Variants in TASP1 observed in about 807,000 individuals in gnomAD.
TASP1 encodes threonine aspartase 1.
A neutral mutation model predicts 56.6 loss-of-function variants in TASP1; 16 were observed. The observed-to-expected ratio is 0.28, with a 90% CI of 0.19 to 0.43. The LOEUF (loss-of-function observed/expected upper bound fraction) is 0.43. Among genes scored for constraint, TASP1 ranks in the 20% least tolerant of loss-of-function variants. The probability of loss-of-function intolerance (pLI) is 1.00; values close to 1 mark genes in which losing one functional copy is unlikely to be tolerated. For missense variants in TASP1, 393 were observed against 511.6 expected, an observed-to-expected ratio of 0.77 and a Z score of 2.24; for synonymous variants, 179 against 184.2, an observed-to-expected ratio of 0.97 and a Z score of 0.23.
At chr20:13,580,742 A>C (rs562552737) in intron 6 of TASP1, among the ~76,000 whole-genome samples, 155 bp downstream of exon 6, 1 of 152,272 alleles carries the variant, frequency 6.6e-6, no homozygotes, top group South Asian at 2.1e-4. Context: ...TTTCTATCCA[A>C]AACTTTATTA....
At chr20:13,358,935 C>T in the TASP1 span, among the ~76,000 whole-genome samples, 167 of 150,716 alleles carry the variant, frequency 1.1e-3, 3 homozygotes, top group East Asian at 8.1e-4. Context: ...GGGCAAGTAC[C>T]CCTCAACCCC....
chr20:13,476,769 A>T (rs530318629), intron 11 of TASP1, among the ~76,000 whole-genome samples: 44 of 152,268 alleles, frequency 2.9e-4, no homozygotes, highest in African/African-American at 1.0e-3. Flanking sequence ...AGATACGCTT[A>T]ATTTATATTT....
the TASP1 span, among the ~76,000 whole-genome samples, chr20:13,339,087 A>G: frequency 6.6e-6 from 1 of 152,236 alleles, no homozygotes; most frequent in South Asian, 2.1e-4. Flanking sequence ...TTGATCACAC[A>G]CAATTGGTAA....
the TASP1 span, among the ~76,000 whole-genome samples, chr20:13,307,670 G>A: frequency 1.3e-5 from 2 of 152,088 alleles, no homozygotes; most frequent in Non-Finnish European, 2.9e-5. Context: ...TTGACCTTCG[G>A]GTAAATGGAA....
At chr20:13,486,529 C>G (rs930245644) in intron 10 of TASP1, among the ~76,000 whole-genome samples, 1 of 152,084 alleles carries the variant, frequency 6.6e-6, no homozygotes, top group Non-Finnish European at 1.5e-5. Flanking sequence ...AGAAAACAAG[C>G]AAGCATGTTT....
the TASP1 span, among the ~76,000 whole-genome samples, chr20:13,198,814 CT>C: frequency 7.5e-6 from 1 of 134,160 alleles, no homozygotes; most frequent in South Asian, 2.6e-4. Flanking sequence ...TTCTTTCTTT[CT>C]TTCTTTCTTT....
intron 11 of TASP1, among the ~76,000 whole-genome samples, chr20:13,447,543 T>C (rs180975346): frequency 3.9e-5 from 6 of 152,236 alleles, no homozygotes; most frequent in South Asian, 2.1e-4. Flanking sequence ...ACAAATTTTA[T>C]TGGCTGCTGC....
chr20:13,555,451 C>T (rs1442614566), intron 8 of TASP1, among the ~76,000 whole-genome samples: 1 of 151,188 alleles, frequency 6.6e-6, no homozygotes, highest in African/African-American at 2.4e-5. Context: ...GCATCTTCAT[C>T]CAGAGTAGAT....
chr20:13,457,166 ATGTAAAT>A (rs2043874346), intron 11 of TASP1, among the ~76,000 whole-genome samples: 1 of 152,128 alleles, frequency 6.6e-6, no homozygotes, highest in Non-Finnish European at 1.5e-5. Context: ...GAAATACCTA[ATGTAAAT>A]GAGGAGTTGA....
chr20:13,217,712 T>C, the TASP1 span, among the ~76,000 whole-genome samples: 1 of 152,234 alleles, frequency 6.6e-6, no homozygotes, highest in Non-Finnish European at 1.5e-5. Context: ...ATTTGTTACA[T>C]GCATTTTAAA....
chr20:13,216,167 T>C, the TASP1 span, among the ~76,000 whole-genome samples: 1 of 152,022 alleles, frequency 6.6e-6, no homozygotes, highest in South Asian at 2.1e-4. Context: ...GAATGTGGAG[T>C]CCTGTATCGA....
At chr20:13,534,258 T>C (rs892601623) in intron 8 of TASP1, 117 bp from the exon 9 acceptor site, 153 of 1,255,280 alleles carry the variant, frequency 1.2e-4, no homozygotes, top group Non-Finnish European at 1.4e-4. Flanking sequence ...AATCCCTAAG[T>C]GGAACATTGA....
the TASP1 span, among the ~76,000 whole-genome samples, chr20:13,213,276 C>T: frequency 5.9e-5 from 9 of 151,980 alleles, no homozygotes; most frequent in African/African-American, 2.2e-4. Flanking sequence ...AATTATATTC[C>T]TTGTGCTTTT....
intron 5 of TASP1, among the ~76,000 whole-genome samples, chr20:13,584,708 G>T (rs1024344309): frequency 4.6e-5 from 7 of 152,084 alleles, no homozygotes; most frequent in Admixed American, 1.3e-4. Context: ...AGCTTCAAGG[G>T]ATTGGTATCA....
chr20:13,427,067 G>C (rs1028138195), intron 12 of TASP1, among the ~76,000 whole-genome samples: 4 of 152,200 alleles, frequency 2.6e-5, no homozygotes, highest in Non-Finnish European at 5.9e-5. Context: ...GAAATGCCTA[G>C]TCATAAGTGC....
At chr20:13,411,579 A>C (rs933916567) in intron 13 of TASP1, among the ~76,000 whole-genome samples, 1 of 152,084 alleles carries the variant, frequency 6.6e-6, no homozygotes, top group East Asian at 1.9e-4. Flanking sequence ...TTCTCCAGGC[A>C]GTTCATCATT....
the TASP1 span, among the ~76,000 whole-genome samples, chr20:13,181,856 A>G: frequency 6.6e-6 from 1 of 152,220 alleles, no homozygotes; most frequent in East Asian, 1.9e-4. Flanking sequence ...AATGTAAAAT[A>G]TCAAGCACAT....
the TASP1 span, chr20:13,279,998 T>C: frequency 8.2e-7 from 1 of 1,222,706 alleles, no homozygotes; most frequent in Admixed American, 2.5e-5. Flanking sequence ...AGCATGTGGC[T>C]TTTGGTCTTC....
chr20:13,437,702 T>C (rs1600794071), intron 11 of TASP1, among the ~76,000 whole-genome samples: 1 of 152,116 alleles, frequency 6.6e-6, no homozygotes, highest in Admixed American at 6.5e-5. Context: ...ACAAGCATTC[T>C]TATACACCAA....
Sources: allele counts gnomAD v4.1 joint callset (sites outside exome capture counted in the v4.1 genomes callset), GRCh38; gene constraint gnomAD v4.1.1; transcripts MANE v1.5; gene names NCBI Gene and HGNC (gene_info 2026-07-23, HGNC 2026-07-21).